The following AKAP19 variants were observed in gnomAD, a reference collection of about 807,000 sequenced individuals.
AKAP19 encodes small A-kinase anchoring protein.
At chr2:190,066,372 A>G in the AKAP19 span, among the ~76,000 whole-genome samples, 1 of 152,184 alleles carries the variant, frequency 6.6e-6, no homozygotes, top group Admixed American at 6.6e-5. Context: ...TAATGTAAAG[A>G]CTTGCCGGAA....
At chr2:190,131,813 A>T in the AKAP19 span, among the ~76,000 whole-genome samples, 7 of 152,160 alleles carry the variant, frequency 4.6e-5, no homozygotes, top group South Asian at 2.1e-4. Flanking sequence ...CTTGGTATGT[A>T]GAGGAAAAAA....
At chr2:190,038,099 G>A in the AKAP19 span, among the ~76,000 whole-genome samples, 1 of 152,134 alleles carries the variant, frequency 6.6e-6, no homozygotes, top group Non-Finnish European at 1.5e-5. Flanking sequence ...GTATATTCTT[G>A]TCTTGATGCA....
At chr2:190,160,601 A>G in the AKAP19 span, among the ~76,000 whole-genome samples, 1 of 152,182 alleles carries the variant, frequency 6.6e-6, no homozygotes, top group Admixed American at 6.5e-5. Flanking sequence ...ATTCTTTCCC[A>G]TTTAATGAAA....
chr2:190,073,310 A>T, the AKAP19 span, among the ~76,000 whole-genome samples: 4 of 152,218 alleles, frequency 2.6e-5, no homozygotes, highest in African/African-American at 9.6e-5. Flanking sequence ...GATTCTTCCA[A>T]ATCCTCAATG....
At chr2:189,896,364 T>G in the AKAP19 span, among the ~76,000 whole-genome samples, 63 of 152,256 alleles carry the variant, frequency 4.1e-4, 1 homozygote, top group Admixed American at 4.1e-3. Flanking sequence ...ACAACAAATA[T>G]TCTTATATTT....
chr2:190,166,149 G>A, the AKAP19 span, among the ~76,000 whole-genome samples: 1 of 151,704 alleles, frequency 6.6e-6, no homozygotes, highest in Admixed American at 6.6e-5. Context: ...AGAGAAATAT[G>A]CAAAGCAGTT....
chr2:190,017,932 C>A, the AKAP19 span, among the ~76,000 whole-genome samples: 1 of 152,100 alleles, frequency 6.6e-6, no homozygotes, highest in African/African-American at 2.4e-5. Context: ...GGTAAATATT[C>A]TTGGTTGGTA....
the AKAP19 span, among the ~76,000 whole-genome samples, chr2:190,043,685 T>C: frequency 6.6e-6 from 1 of 152,208 alleles, no homozygotes; most frequent in Non-Finnish European, 1.5e-5. Flanking sequence ...TGAATTCTAT[T>C]TCTGTCATGC....
chr2:190,067,742 A>G, the AKAP19 span, among the ~76,000 whole-genome samples: 1 of 152,156 alleles, frequency 6.6e-6, no homozygotes, highest in Non-Finnish European at 1.5e-5. Context: ...GCTGCAATCC[A>G]TTGTCCTTTA....
chr2:189,956,534 C>T, the AKAP19 span, among the ~76,000 whole-genome samples: 1 of 152,018 alleles, frequency 6.6e-6, no homozygotes, highest in South Asian at 2.1e-4. Flanking sequence ...AAAACTAGTG[C>T]TGCACTATAA....
chr2:189,999,950 T>C, the AKAP19 span, among the ~76,000 whole-genome samples: 1 of 152,194 alleles, frequency 6.6e-6, no homozygotes, highest in Non-Finnish European at 1.5e-5. Flanking sequence ...GCAACGGAAG[T>C]TGCTAACTAA....
the AKAP19 span, chr2:190,200,694 G>A: frequency 5.9e-6 from 1 of 169,856 alleles, no homozygotes. Context: ...TTTTGTAGAT[G>A]AGAAGTGTAA....
the AKAP19 span, among the ~76,000 whole-genome samples, chr2:189,909,307 T>C: frequency 5.5e-5 from 1 of 18,288 alleles, no homozygotes; most frequent in African/African-American, 1.0e-4. Flanking sequence ...TTAATAAAAA[T>C]TTCAGTCACT....
At chr2:190,180,574 TG>T in the AKAP19 span, 1 of 985,798 alleles carries the variant, frequency 1.0e-6, no homozygotes, top group Non-Finnish European at 1.2e-6. The surrounding 1 kb of genome is among the most constrained non-coding windows in gnomAD (Gnocchi z 6.8). Flanking sequence ...GCTTGGTAGT[TG>T]CGGGGGGCGT....
chr2:190,035,537 AC>A, the AKAP19 span, among the ~76,000 whole-genome samples: 1 of 151,954 alleles, frequency 6.6e-6, no homozygotes, highest in Non-Finnish European at 1.5e-5. Flanking sequence ...CAGCAGGGCT[AC>A]CCCATGGGCT....
chr2:190,043,897 C>T, the AKAP19 span, among the ~76,000 whole-genome samples: 1 of 152,140 alleles, frequency 6.6e-6, no homozygotes, highest in Non-Finnish European at 1.5e-5. Flanking sequence ...CAAACCAAGG[C>T]TTTGTGCAGG....
chr2:189,948,945 C>T, the AKAP19 span, among the ~76,000 whole-genome samples: 382 of 149,472 alleles, frequency 2.6e-3, 2 homozygotes, highest in African/African-American at 8.7e-3. Context: ...TTTTCTAGTT[C>T]TTATGTGGTT....
the AKAP19 span, among the ~76,000 whole-genome samples, chr2:190,031,823 G>A: frequency 6.6e-6 from 1 of 152,174 alleles, no homozygotes; most frequent in Non-Finnish European, 1.5e-5. Context: ...TTTATGCTTA[G>A]TAAATTGGAC....
the AKAP19 span, among the ~76,000 whole-genome samples, chr2:190,090,280 G>A: frequency 1.3e-5 from 2 of 151,986 alleles, no homozygotes; most frequent in Admixed American, 6.5e-5. Flanking sequence ...GTAAGTAGGG[G>A]ATGGCCTGGT....
Sources: allele counts gnomAD v4.1 joint callset (sites outside exome capture counted in the v4.1 genomes callset), GRCh38; gene constraint gnomAD v4.1.1; non-coding constraint Gnocchi (gnomAD v3.1); transcripts MANE v1.5; gene names NCBI Gene and HGNC (gene_info 2026-07-23, HGNC 2026-07-21).